Variants in BDP1 observed in about 807,000 individuals in gnomAD.
BDP1 encodes the protein transcription factor TFIIIB component B'' homolog.
In BDP1, 169 loss-of-function variants were observed where a neutral mutation model predicts 266.6. That is an observed-to-expected ratio of 0.63 (90% CI 0.56 to 0.72). BDP1 has a LOEUF of 0.72. Among genes scored for constraint, BDP1 ranks in the 30% least tolerant of loss-of-function variants. The probability of loss-of-function intolerance (pLI) is 0.00; values close to 1 mark genes in which losing one functional copy is unlikely to be tolerated. For missense variants in BDP1, 3,015 were observed against 3,053.8 expected, an observed-to-expected ratio of 0.99 and a Z score of 0.30; for synonymous variants, 1,090 against 1,022.4, an observed-to-expected ratio of 1.07 and a Z score of -1.26.
At position 71,513,391 on chromosome 5, in the gene BDP1, C is replaced by A. The variant is rs1765044772; in HGVS notation, c.4454C>A (p.Thr1485Asn). The A allele has an allele frequency of 1.3e-6, 2 of 1,577,530 alleles. No individual in the cohort carries two copies. Among genetic ancestry groups the A allele is most frequent in the Non-Finnish European group, 1.7e-6 (2 of 1,162,956 alleles). The change falls in exon 19 of 39, where the codon ACT becomes AAT. Residue 1485 changes from threonine to asparagine, a missense_variant. By Grantham distance (65) the Thr-to-Asn change is moderately conservative (BLOSUM62 0). This residue lies in a region of BDP1 where 2,383 missense variants were observed against 2,404.9 expected (regional missense o/e 0.99). Coordinates refer to ENST00000358731, the MANE Select transcript of BDP1 (RefSeq NM_018429.3). Reference protein sequence around the residue: ...VMQENNEQTDTLPSQHDEASL... With the variant: ...VMQENNEQTDNLPSQHDEASL... ...CAAGAAAATAATGAACAAACTGATACTCTCCCTTCTCAACATGTGAGTGTA... is the reference window on the plus strand; with the variant it reads ...CAAGAAAATAATGAACAAACTGATAATCTCCCTTCTCAACATGTGAGTGTA...
At position 71,544,404 on chromosome 5, in the gene BDP1, C is replaced by T; in HGVS notation, c.6460C>T (p.Leu2154Phe). The T allele has an allele frequency of 1.2e-6, 2 of 1,613,376 alleles. No homozygotes were observed. Among genetic ancestry groups the T allele is most frequent in the Non-Finnish European group, 1.7e-6 (2 of 1,179,730 alleles). ...SKATELENKNLGPVTTAENKD... is the reference protein window; with the variant it reads ...SKATELENKNFGPVTTAENKD... ...AGCAACAGAATTGGAAAATAAAAAC[C>T]TCGGACCAGTTACAACAGCAGAGAA... The change falls in exon 31 of 39, where the codon CTC becomes TTC. Residue 2154 changes from leucine to phenylalanine, a missense_variant. By Grantham distance (22) the Leu-to-Phe change is conservative. This residue lies in a region of BDP1 where 629 missense variants were observed against 632.5 expected (regional missense o/e 0.99). Transcript: ENST00000358731.
Position 71,509,983 on chromosome 5 carries a change from G to C in BDP1, c.2891G>C (p.Ser964Thr). 6.2e-7 allele frequency: 1 copy of C among 1,613,106 alleles called. No homozygotes were observed. Among genetic ancestry groups the C allele is most frequent in the Non-Finnish European group, 8.5e-7 (1 of 1,179,798 alleles). Reference sequence around the variant, plus strand: ...GATTTGAAAGCAACTGGAAATGAGAGTTCCCCAAGGGAGAAGACACCAGAG... The same window carrying C: ...GATTTGAAAGCAACTGGAAATGAGACTTCCCCAAGGGAGAAGACACCAGAG... ...ETDLKATGNE[S>T]SPREKTPEVT... The change falls in exon 17 of 39, where the codon AGT (serine) becomes ACT (threonine). Residue 964 changes from serine to threonine, a missense_variant. Ser to Thr is a moderately conservative substitution (Grantham distance 58, BLOSUM62 1). Around this residue, in one of 3 missense-constraint regions of BDP1, gnomAD observed 2,383 missense variants for 2,404.9 expected, o/e 0.99. Transcript: ENST00000358731.
chr5:71,496,234 T>TC (rs1763882662), intron 12 of BDP1, among the ~76,000 whole-genome samples: 1 of 116,210 alleles, frequency 8.6e-6, no homozygotes, highest in South Asian at 3.1e-4. Context: ...AGAGCGAGAC[T>TC]CCATTTCAAA....
intron 5 of BDP1, 90 bp from the exon 6 acceptor site, chr5:71,467,264 C>G (rs1761960425): frequency 8.9e-7 from 1 of 1,124,692 alleles, no homozygotes; most frequent in Non-Finnish European, 1.3e-6. Flanking sequence ...GATTGCCATG[C>G]TAAACCTCAA....
At chr5:71,577,892 C>A in the BDP1 span, among the ~76,000 whole-genome samples, 1 of 152,162 alleles carries the variant, frequency 6.6e-6, no homozygotes. Flanking sequence ...TACATTCTTT[C>A]ACTTAATACA....
chr5:71,482,230 A>G (rs981777581), intron 7 of BDP1, among the ~76,000 whole-genome samples: 1 of 152,168 alleles, frequency 6.6e-6, no homozygotes, highest in Non-Finnish European at 1.5e-5. Context: ...TTTTAGAACT[A>G]TGCTCCTAAA....
chr5:71,517,895 G>A (rs1315507544), intron 22 of BDP1, among the ~76,000 whole-genome samples: 4 of 151,906 alleles, frequency 2.6e-5, no homozygotes, highest in African/African-American at 4.8e-5. Context: ...GTGAGACCTC[G>A]TCTCTATAAA....
chr5:71,465,417 A>G (rs972268290), intron 4 of BDP1, among the ~76,000 whole-genome samples: 2 of 152,044 alleles, frequency 1.3e-5, no homozygotes, highest in African/African-American at 4.8e-5. Flanking sequence ...ACGCATCACC[A>G]TGCTGGGCTA....
chr5:71,501,258 C>CTCTA (rs1199251175), intron 13 of BDP1, among the ~76,000 whole-genome samples: 2 of 152,086 alleles, frequency 1.3e-5, no homozygotes, highest in African/African-American at 4.8e-5. Flanking sequence ...TCACTGCAAC[C>CTCTA]TCTACCTTTT....
rs534193632 is a variant in BDP1, at chr5:71,455,832, C to G, written c.-46C>G. Reference sequence around the variant, plus strand: ...TCCGGGCAGCCGCCGGGGCTCGGGGCTGTGAGCGGCCGTGAGGCTGCCTCC... The same window carrying G: ...TCCGGGCAGCCGCCGGGGCTCGGGGGTGTGAGCGGCCGTGAGGCTGCCTCC... On this transcript the variant is annotated 5_prime_UTR_variant, in exon 1 of 39. Transcript: ENST00000358731. 36 of 1,508,812 alleles carry G rather than the reference C, an allele frequency of 2.4e-5. No homozygotes were observed. The highest frequency in any genetic ancestry group is 9.8e-5 in the East Asian group (4 of 40,620). The allele number at this position is 1,508,812 out of a possible 1,614,324, so 93.5% of individuals were successfully genotyped here.
At chr5:71,456,374 A>C (rs1274904599) in intron 1 of BDP1, among the ~76,000 whole-genome samples, 1 of 152,186 alleles carries the variant, frequency 6.6e-6, no homozygotes, top group African/African-American at 2.4e-5. Context: ...AAGAATATCC[A>C]CACTATTCAT....
At chr5:71,534,409 T>C (rs1055971687) in intron 26 of BDP1, among the ~76,000 whole-genome samples, 8 of 152,228 alleles carry the variant, frequency 5.3e-5, no homozygotes, top group Non-Finnish European at 1.2e-4. Flanking sequence ...TATGGGTTTA[T>C]TTCTGAATTC....
At chr5:71,507,963 G>A (rs11738957) in intron 16 of BDP1, among the ~76,000 whole-genome samples, 3,863 of 152,250 alleles carry the variant, frequency 0.025, 65 homozygotes, top group Non-Finnish European at 0.041. Flanking sequence ...TACTTTTGTT[G>A]TTTTGTTTTT....
intron 7 of BDP1, 146 bp downstream of exon 7, chr5:71,470,635 C>G (rs1241019954): frequency 8.1e-6 from 5 of 619,918 alleles, no homozygotes; most frequent in African/African-American, 3.8e-5. Flanking sequence ...GTTGCCCAGG[C>G]TGGAGTGCAG....
intron 26 of BDP1, among the ~76,000 whole-genome samples, chr5:71,534,766 C>T (rs1041127158): frequency 2.0e-5 from 3 of 152,088 alleles, no homozygotes; most frequent in African/African-American, 4.8e-5. Context: ...CTCAGCTTCC[C>T]GAGTAGCTGG....
chr5:71,513,075 A>T, intron 18 of BDP1, 110 bp from the exon 19 acceptor site: 1 of 696,504 alleles, frequency 1.4e-6, no homozygotes, highest in Non-Finnish European at 2.3e-6. Flanking sequence ...AAAAAAAAAA[A>T]AAAAAAAAAA....
rs535591900 is a variant in BDP1, at chr5:71,458,660, A to C, written c.294A>C (p.Ile98=). Residue 98 remains isoleucine (I), a synonymous_variant, in exon 2 of 39, where the codon ATA becomes ATC. Transcript: ENST00000358731. The part of the protein sequence containing the change: ...SSTVSQRRKR[I]SSTSSLVKSS... ...CTGTTTCACAGAGAAGAAAGCGAAT[A>C]TCAAGTACTTCTAGCCTGGTTAAGT... The C allele has an allele frequency of 8.7e-6, 14 of 1,613,784 alleles. No individual in the cohort carries two copies. Among genetic ancestry groups the C allele is most frequent in the Middle Eastern group, 1.6e-4 (1 of 6,084 alleles).
At position 71,567,041 on chromosome 5, in the gene BDP1, A is replaced by G. The variant is rs1199367740; in HGVS notation, c.*2156A>G. 1 of 152,230 alleles carries G rather than the reference A, an allele frequency of 6.6e-6. No homozygotes were observed. The highest frequency in any genetic ancestry group is 1.5e-5 in the Non-Finnish European group (1 of 68,030). The allele number at this position is 152,230 out of a possible 1,614,324, so 9.4% of individuals were successfully genotyped here. A position where few individuals can be genotyped will look rare whatever the true frequency, so the allele number is the denominator to read the frequency against. On this transcript the variant is annotated 3_prime_UTR_variant, in exon 39 of 39. Transcript: ENST00000358731. ...AACACTTTGTCAGAGAGGAGGCTAT[A>G]TAATTCGGAGCGGAAATTGTCTATA...
chr5:71,532,877 A>G (rs969771474), intron 26 of BDP1, among the ~76,000 whole-genome samples: 1 of 152,194 alleles, frequency 6.6e-6, no homozygotes, highest in Non-Finnish European at 1.5e-5. Context: ...ATCACAGTCA[A>G]TTTTAGGACA....
Sources: allele counts gnomAD v4.1 joint callset (sites outside exome capture counted in the v4.1 genomes callset), GRCh38; gene constraint gnomAD v4.1.1; regional missense constraint gnomAD v4.1.1; transcripts MANE v1.5; gene names NCBI Gene and HGNC (gene_info 2026-07-23, HGNC 2026-07-21).